ADCY9: variants seen among roughly 807,000 people sequenced by gnomAD.
ADCY9 encodes the protein adenylate cyclase type 9.
ADCY9 carries 50 observed loss-of-function variants against 101.5 expected under a neutral mutation model. The ratio of observed to expected loss-of-function variants is 0.49; its 90% CI spans 0.39 to 0.62. The LOEUF is 0.62. Ranked by LOEUF, ADCY9 falls within the 20% of genes least tolerant of loss-of-function variation. The pLI is 0.00. For synonymous variants in ADCY9, 905 were observed against 769.3 expected (o/e 1.18, Z -2.92); for missense variants, 1,662 against 1,800.4 (o/e 0.92, Z 1.39).
chr16:4,109,973 G>C (rs2057102995), intron 2 of ADCY9, among the ~76,000 whole-genome samples: 1 of 152,126 alleles, frequency 6.6e-6, no homozygotes, highest in African/African-American at 2.4e-5. Flanking sequence ...CGCCCCCACA[G>C]AGAAGCACAG....
chr16:3,996,778 C>T (rs995265015), intron 3 of ADCY9, among the ~76,000 whole-genome samples: 1 of 152,202 alleles, frequency 6.6e-6, no homozygotes, highest in Non-Finnish European at 1.5e-5. Context: ...CTTCTGTAGC[C>T]ATTTAGTCAC....
chr16:4,065,411 A>G (rs2056795033), intron 2 of ADCY9, among the ~76,000 whole-genome samples: 1 of 152,214 alleles, frequency 6.6e-6, no homozygotes, highest in Non-Finnish European at 1.5e-5. Context: ...CCCTAATGGA[A>G]TAATACTTAC....
chr16:4,003,441 G>A (rs903101732), intron 3 of ADCY9, among the ~76,000 whole-genome samples: 28 of 152,170 alleles, frequency 1.8e-4, no homozygotes, highest in African/African-American at 6.5e-4. Flanking sequence ...CAGCCCTGGC[G>A]TCCACAGGCA....
At chr16:3,962,278 T>C (rs559336272), downstream of ADCY9, among the ~76,000 whole-genome samples, 97 of 152,334 alleles carry the variant, frequency 6.4e-4, no homozygotes, top group African/African-American at 2.2e-3. Context: ...ACTCTTTCCT[T>C]TTCAGAAAAC....
intron 2 of ADCY9, among the ~76,000 whole-genome samples, chr16:4,018,006 C>T (rs1174881604): frequency 1.3e-5 from 2 of 152,232 alleles, no homozygotes; most frequent in Admixed American, 1.3e-4. Context: ...GGCCACTGTC[C>T]TTGCCTGGAA....
intron 2 of ADCY9, among the ~76,000 whole-genome samples, chr16:4,096,604 G>A (rs548800069): frequency 2.6e-5 from 4 of 152,254 alleles, no homozygotes; most frequent in Non-Finnish European, 4.4e-5. Context: ...ATGGGAAAAA[G>A]AACTCATTTA....
chr16:3,990,563 T>C (rs552323910), intron 5 of ADCY9, among the ~76,000 whole-genome samples: 38 of 152,258 alleles, frequency 2.5e-4, no homozygotes, highest in African/African-American at 7.5e-4. Context: ...CTTCCTGTCC[T>C]TGCAGCACGG....
intron 3 of ADCY9, among the ~76,000 whole-genome samples, chr16:4,005,835 A>G (rs1292945950): frequency 6.6e-6 from 1 of 152,172 alleles, no homozygotes; most frequent in African/African-American, 2.4e-5. Flanking sequence ...TCACGACTTA[A>G]ATACAGCTCA....
At chr16:4,035,707 A>G (rs1031816477) in intron 2 of ADCY9, among the ~76,000 whole-genome samples, 6 of 152,000 alleles carry the variant, frequency 3.9e-5, no homozygotes, top group Admixed American at 2.6e-4. Context: ...GGCCTTAAAG[A>G]TTCCAAGGGG....
At chr16:3,969,793 T>G (rs1027816803) in intron 10 of ADCY9, among the ~76,000 whole-genome samples, 1 of 150,336 alleles carries the variant, frequency 6.7e-6, no homozygotes, top group Non-Finnish European at 1.5e-5. Context: ...TTTTTGAACT[T>G]TTTGTAGAGA....
chr16:3,977,945 G>A (rs951422127), intron 8 of ADCY9, among the ~76,000 whole-genome samples: 5 of 152,146 alleles, frequency 3.3e-5, no homozygotes, highest in African/African-American at 1.2e-4. Flanking sequence ...TCGAACTCCT[G>A]ACCTCAGGTG....
intron 2 of ADCY9, among the ~76,000 whole-genome samples, chr16:4,031,175 G>C (rs2056552741): frequency 6.6e-6 from 1 of 152,178 alleles, no homozygotes; most frequent in Admixed American, 6.5e-5. Context: ...TATTTTATAA[G>C]AGTATTCTGT....
At chr16:4,049,002 G>A (rs905147522) in intron 2 of ADCY9, among the ~76,000 whole-genome samples, 3 of 152,116 alleles carry the variant, frequency 2.0e-5, no homozygotes, top group Non-Finnish European at 4.4e-5. Context: ...GTCAGTCATG[G>A]TATCAGGAAA....
At chr16:3,997,008 G>A (rs2141708953) in intron 3 of ADCY9, among the ~76,000 whole-genome samples, 1 of 152,252 alleles carries the variant, frequency 6.6e-6, no homozygotes, top group East Asian at 1.9e-4. Flanking sequence ...GGGATTACAG[G>A]CGCCCACCAC....
At chr16:4,074,366 G>C (rs1288920654) in intron 2 of ADCY9, among the ~76,000 whole-genome samples, 1 of 151,654 alleles carries the variant, frequency 6.6e-6, no homozygotes, top group African/African-American at 2.4e-5. Flanking sequence ...AAATATATAA[G>C]AAATAAATCG....
intron 7 of ADCY9, 29 bp from the exon 8 acceptor site, chr16:3,979,304 C>G (rs377692548): frequency 6.2e-7 from 1 of 1,610,152 alleles, no homozygotes; most frequent in East Asian, 2.2e-5. Flanking sequence ...TTAGCAGGAG[C>G]GACGGGGCCC....
At chr16:4,002,249 T>C (rs916388641) in intron 3 of ADCY9, among the ~76,000 whole-genome samples, 39 of 152,346 alleles carry the variant, frequency 2.6e-4, no homozygotes, top group African/African-American at 9.4e-4. Context: ...TGTATGTGTC[T>C]ATAAAATATG....
intron 3 of ADCY9, among the ~76,000 whole-genome samples, chr16:3,995,353 G>GGGA (rs1567429413): frequency 6.6e-6 from 1 of 152,088 alleles, no homozygotes; most frequent in Non-Finnish European, 1.5e-5. Context: ...GCTTGAGTCT[G>GGGA]GGAGGTCAAG....
intron 2 of ADCY9, among the ~76,000 whole-genome samples, chr16:4,036,324 A>G (rs1442849037): frequency 1.3e-5 from 2 of 152,036 alleles, no homozygotes; most frequent in South Asian, 2.1e-4. Context: ...TCTGTATTCA[A>G]CACCCCCTTT....
Sources: gnomAD v4.1 joint callset for allele counts (sites outside exome capture counted in the v4.1 genomes callset) on GRCh38, gnomAD v4.1.1 for gene constraint, MANE v1.5 for transcripts, NCBI Gene and HGNC (gene_info 2026-07-23, HGNC 2026-07-21) for gene names.